PDZD2: variants seen among roughly 807,000 people sequenced by gnomAD.
PDZD2 encodes PDZ domain containing 2.
In PDZD2, 90 loss-of-function variants were observed where a neutral mutation model predicts 220.7. The observed-to-expected ratio is 0.41, with a 90% CI of 0.34 to 0.49. The LOEUF is 0.49. Ranked by LOEUF, PDZD2 falls within the 20% of genes least tolerant of loss-of-function variation. The pLI is 0.28. For synonymous variants in PDZD2, 1,375 were observed against 1,450.5 expected (o/e 0.95, Z 1.18); for missense variants, 3,174 against 3,608.5 (o/e 0.88, Z 3.08).
chr5:31,730,384 G>C (rs115597118), intron 1 of PDZD2, among the ~76,000 whole-genome samples: 5,230 of 152,206 alleles, frequency 0.034, 113 homozygotes, highest in Middle Eastern at 0.054. Context: ...ATTTCCACAG[G>C]ACCTAACTGT....
rs761884975 is a variant in PDZD2 at position 32,089,791 on chromosome 5, C to A, written c.6343C>A (p.Arg2115=). 7.4e-6 allele frequency: 12 copies of A among 1,614,038 alleles called. No homozygotes were observed. In the East Asian group the frequency reaches 2.7e-4, roughly 36 times the overall value. The part of the protein sequence containing the change: ...CGNKPAESDR[R]GGCLAQGNCQ... ...TAACAAGCCAGCTGAAAGCGACAGA[C>A]GGGGAGGGTGCTTGGCCCAGGGCAA... is the stretch of plus-strand genomic sequence containing the variant. The change falls in exon 20 of 25, where the codon CGG becomes AGG. Residue 2115 remains arginine, a synonymous_variant. Coordinates refer to ENST00000438447, the MANE Select transcript of PDZD2 (RefSeq NM_178140.4).
At position 32,098,415 on chromosome 5, in the gene PDZD2, C is replaced by T. The variant is rs1380902447; in HGVS notation, c.7999C>T (p.Arg2667Ter). ...GAASQEGTMNRGDFLLSVNGA... is the reference protein window; with the variant it reads ...GAASQEGTMN ...GGCTTCTCAGGAAGGGACTATGAAC[C>T]GAGGGGATTTCCTTCTGTCAGTCAA... Residue 2667 changes from arginine (R) to a stop codon, truncating the protein, a stop_gained, in exon 23 of 25, where the codon CGA (arginine) becomes TGA (stop). Transcript: ENST00000438447. LOFTEE classifies it high-confidence loss of function. This position sits in a 1 kb window ranked among gnomAD's most constrained non-coding sequence, Gnocchi z 4.1. The T allele has an allele frequency of 2.5e-6, 4 of 1,613,934 alleles. No individual in the cohort carries two copies. The highest frequency in any genetic ancestry group is 1.3e-5 in the African/African-American group (1 of 74,896).
intron 1 of PDZD2, among the ~76,000 whole-genome samples, chr5:31,649,213 C>T (rs1745246008): frequency 6.6e-6 from 1 of 152,022 alleles, no homozygotes; most frequent in African/African-American, 2.4e-5. Flanking sequence ...CGTATCACTC[C>T]CTGGCTTAAA....
At chr5:31,713,356 A>AT (rs1471382241) in intron 1 of PDZD2, among the ~76,000 whole-genome samples, 1 of 152,134 alleles carries the variant, frequency 6.6e-6, no homozygotes, top group Non-Finnish European at 1.5e-5. Flanking sequence ...GGGCTAAGTG[A>AT]TTTTCCACCA....
intron 1 of PDZD2, among the ~76,000 whole-genome samples, chr5:31,738,868 C>T (rs973571077): frequency 4.0e-5 from 6 of 150,974 alleles, no homozygotes; most frequent in Non-Finnish European, 8.8e-5. Context: ...GGGGCAAATA[C>T]AGGATTTTTA....
chr5:32,109,166 C>CAAAT lies in PDZD2; in HGVS notation c.*1033_*1036dup, dbSNP rs1017046954. The CAAAT allele has an allele frequency of 1.1e-4, 17 of 152,300 alleles. No homozygotes were observed. The highest frequency in any genetic ancestry group is 3.9e-4 in the African/African-American group (16 of 41,534). 9.4% of individuals were successfully genotyped at this position (152,300 alleles called of 1,614,324 possible). A position where few individuals can be genotyped will look rare whatever the true frequency, so the allele number is the denominator to read the frequency against. On this transcript the variant is annotated 3_prime_UTR_variant, in exon 25 of 25. Transcript: ENST00000438447. ...ATTTATAGACAATGTATGTACAATC[C>CAAAT]AAATAGAGGAGCTTAATGGAATCCT...
At chr5:31,722,979 T>C (rs1748895412) in intron 1 of PDZD2, among the ~76,000 whole-genome samples, 1 of 152,216 alleles carries the variant, frequency 6.6e-6, no homozygotes, top group African/African-American at 2.4e-5. Flanking sequence ...TGAGACACCG[T>C]GCCTGGCCCA....
intron 1 of PDZD2, among the ~76,000 whole-genome samples, chr5:31,772,875 A>G (rs1039482202): frequency 5.3e-5 from 8 of 152,182 alleles, no homozygotes; most frequent in African/African-American, 1.9e-4. Flanking sequence ...AACTGGAGCA[A>G]GGAGACCATT....
chr5:32,049,426 T>C (rs1176172149), intron 8 of PDZD2, among the ~76,000 whole-genome samples: 3 of 152,144 alleles, frequency 2.0e-5, no homozygotes, highest in South Asian at 2.1e-4. Flanking sequence ...GAAGCAGAGA[T>C]AGAGGACGGG....
intron 1 of PDZD2, among the ~76,000 whole-genome samples, chr5:31,677,160 C>CAGGA (rs1394419610): frequency 1.3e-5 from 2 of 152,102 alleles, no homozygotes; most frequent in Non-Finnish European, 2.9e-5. Flanking sequence ...CTTCAGTTGC[C>CAGGA]AGGAAGGGTT....
Position 31,923,182 on chromosome 5 carries a change from C to G in PDZD2, c.477-59973C>G, listed in dbSNP as rs576995212. On this transcript the variant is annotated intron_variant, in intron 2 of 24. Coordinates refer to ENST00000438447, the MANE Select transcript of PDZD2 (RefSeq NM_178140.4). ...TGGTGGTGGGCACCTGTAATCCCAG[C>G]TACTCAGGGGGCAGAGGTTGCAGTG... 3.3e-5 allele frequency among the ~76,000 whole-genome samples: 5 copies of G among 152,252 alleles called. No homozygotes were observed. In the South Asian group the frequency reaches 1.0e-3, roughly 32 times the overall value.
chr5:31,889,228 G>A (rs1049715527), intron 2 of PDZD2, among the ~76,000 whole-genome samples: 9 of 152,174 alleles, frequency 5.9e-5, no homozygotes, highest in South Asian at 2.1e-4. Context: ...CATTGGAGCC[G>A]TGGTTTTAGC....
At chr5:31,765,149 A>G (rs901391956) in intron 1 of PDZD2, among the ~76,000 whole-genome samples, 2 of 152,100 alleles carry the variant, frequency 1.3e-5, no homozygotes, top group African/African-American at 4.8e-5. Context: ...CCCATTGCTG[A>G]TGGCACTCTC....
chr5:31,707,329 ATT>A (rs1218179239), intron 1 of PDZD2, among the ~76,000 whole-genome samples: 7,874 of 151,710 alleles, frequency 0.052, 270 homozygotes, highest in Middle Eastern at 0.12. Flanking sequence ...TAATTAATTA[ATT>A]AAATAAAAAA....
intron 1 of PDZD2, among the ~76,000 whole-genome samples, chr5:31,694,953 G>C (rs557945241): frequency 6.6e-6 from 1 of 151,782 alleles, no homozygotes; most frequent in South Asian, 2.1e-4. Flanking sequence ...GTGACACCTC[G>C]TCTCTACTGA....
chr5:32,091,170 A>G lies in PDZD2; in HGVS notation c.7722A>G (p.Ser2574=). 1 of 1,551,128 alleles carries G rather than the reference A, an allele frequency of 6.4e-7. No individual in the cohort carries two copies. The change falls in exon 20 of 25, where the codon TCA becomes TCG. Residue 2574 remains serine (S), a synonymous_variant. Coordinates refer to ENST00000438447, the MANE Select transcript of PDZD2 (RefSeq NM_178140.4). ...ATCTGCCTTTTAGAAGAAGCTGGTC[A>G]GTTAAGTAAGTATCTGCCCACTACT... ...AQDLPFRRSW[S]VNLDQLLVSA...
chr5:31,667,127 T>C (rs1031760376), intron 1 of PDZD2, among the ~76,000 whole-genome samples: 3 of 151,060 alleles, frequency 2.0e-5, no homozygotes, highest in Admixed American at 1.3e-4. Context: ...TCCCAGCTAC[T>C]CAGGAGGCTG....
intron 2 of PDZD2, among the ~76,000 whole-genome samples, chr5:31,873,891 C>G (rs1739069185): frequency 6.6e-6 from 1 of 151,966 alleles, no homozygotes; most frequent in Admixed American, 6.6e-5. Context: ...TCACCATGCC[C>G]AGCTAAGTTT....
Position 32,090,863 on chromosome 5 carries a change from C to T in PDZD2, c.7415C>T (p.Thr2472Met), listed in dbSNP as rs753343462. 5.6e-6 allele frequency: 9 copies of T among 1,614,070 alleles called. No individual in the cohort carries two copies. Among genetic ancestry groups the T allele is most frequent in the Middle Eastern group, 1.6e-4 (1 of 6,062 alleles). The change falls in exon 20 of 25, where the codon ACG (threonine) becomes ATG (methionine). Residue 2472 changes from threonine (T) to methionine (M), a missense_variant. Thr to Met is a moderately conservative substitution (Grantham distance 81). Around this residue, in one of 4 missense-constraint regions of PDZD2, gnomAD observed 631 missense variants for 789.9 expected, o/e 0.80. Coordinates refer to ENST00000438447, the MANE Select transcript of PDZD2 (RefSeq NM_178140.4). The surrounding 1 kb of genome is among the most constrained non-coding windows in gnomAD (Gnocchi z 4.3). ...VKRNKSSVRH[T>M]QPSPVSRSKL... ...AGGAACAAGTCCTCGGTACGCCACACGCAGCCCTCGCCCGTGTCCCGCTCC... is the reference window on the plus strand; with the variant it reads ...AGGAACAAGTCCTCGGTACGCCACATGCAGCCCTCGCCCGTGTCCCGCTCC...
Sources: gnomAD v4.1 joint callset for allele counts (sites outside exome capture counted in the v4.1 genomes callset) on GRCh38, gnomAD v4.1.1 for gene constraint, gnomAD v4.1.1 regional missense constraint, Gnocchi (gnomAD v3.1) non-coding constraint, MANE v1.5 for transcripts, NCBI Gene and HGNC (gene_info 2026-07-23, HGNC 2026-07-21) for gene names.